RBMS2: variants seen among roughly 807,000 people sequenced by gnomAD.
RBMS2 encodes RNA-binding motif, single-stranded-interacting protein 2.
A neutral mutation model predicts 58.4 loss-of-function variants in RBMS2; 38 were observed. The ratio of observed to expected loss-of-function variants is 0.65; its 90% CI spans 0.50 to 0.85. The LOEUF (loss-of-function observed/expected upper bound fraction) is 0.85. Ranked by LOEUF, RBMS2 falls within the 40% of genes least tolerant of loss-of-function variation. The pLI, the probability that RBMS2 is intolerant of heterozygous loss-of-function variation, is 0.00. For missense variants in RBMS2, 367 were observed against 503.7 expected, an observed-to-expected ratio of 0.73 and a Z score of 2.60; for synonymous variants, 151 against 180.7, an observed-to-expected ratio of 0.84 and a Z score of 1.32.
intron 1 of RBMS2, among the ~76,000 whole-genome samples, chr12:56,528,964 A>G (rs558785641): frequency 7.2e-4 from 109 of 152,256 alleles, no homozygotes; most frequent in African/African-American, 2.3e-3. Flanking sequence ...ATATATGTGG[A>G]GTAACTGGAA....
At position 56,562,403 on chromosome 12, in the gene RBMS2, A is replaced by G. The variant is rs1242031192; in HGVS notation, c.67-14A>G. On this transcript the variant is annotated splice_polypyrimidine_tract_variant and intron_variant, in intron 1 of 13. Coordinates refer to ENST00000262031, the MANE Select transcript of RBMS2 (RefSeq NM_002898.4). ...TGGATAATCCTTCTACCTCTTCCTCATGTCTCCCTGCAGCCATATGTGTCA... is the reference window on the plus strand; with the variant it reads ...TGGATAATCCTTCTACCTCTTCCTCGTGTCTCCCTGCAGCCATATGTGTCA... 1 of 1,592,540 alleles carries G rather than the reference A, an allele frequency of 6.3e-7. No individual in the cohort carries two copies. The highest frequency in any genetic ancestry group is 1.7e-5 in the Admixed American group (1 of 59,810).
At chr12:56,556,578 G>A (rs572652292) in intron 1 of RBMS2, among the ~76,000 whole-genome samples, 46 of 152,060 alleles carry the variant, frequency 3.0e-4, no homozygotes, top group African/African-American at 9.9e-4. Context: ...GTTTCACAAC[G>A]TTGGCCAGAC....
chr12:56,569,145 T>C (rs1881871085), intron 3 of RBMS2, 112 bp downstream of exon 3: 1 of 963,378 alleles, frequency 1.0e-6, no homozygotes, highest in Non-Finnish European at 1.6e-6. Flanking sequence ...GAGAAGTCCC[T>C]GAAGTTTTTA....
intron 2 of RBMS2, 117 bp from the exon 3 acceptor site, chr12:56,568,858 T>C: frequency 1.2e-6 from 1 of 865,148 alleles, no homozygotes; most frequent in Non-Finnish European, 1.8e-6. Flanking sequence ...TTATGAAGGT[T>C]TGAGTAGGAA....
intron 1 of RBMS2, among the ~76,000 whole-genome samples, chr12:56,561,400 CT>C (rs2136412438): frequency 6.6e-6 from 1 of 152,240 alleles, no homozygotes; most frequent in South Asian, 2.1e-4. Flanking sequence ...TAAGTGTTCC[CT>C]TTTTTCCATA....
At chr12:56,572,809 T>C in intron 5 of RBMS2, 1 of 985,208 alleles carries the variant, frequency 1.0e-6, no homozygotes, top group African/African-American at 1.7e-5. Flanking sequence ...GAGACCTGTA[T>C]TCCAGAACAA....
rs1820688619 is a variant in RBMS2, at chr12:56,592,318, C to T, written c.*3185C>T. ...TCTGTTTTCAGTCAGCTAGAACACA[C>T]TAGAGTCCTTTCCTCAGATGGCATA... On this transcript the variant is annotated 3_prime_UTR_variant, in exon 14 of 14. Transcript: ENST00000262031. 6.6e-6 allele frequency: 1 copy of T among 152,146 alleles called. No individual in the cohort carries two copies. Among genetic ancestry groups the T allele is most frequent in the African/African-American group, 2.4e-5 (1 of 41,424 alleles). 9.4% of individuals were successfully genotyped at this position (152,146 alleles called of 1,614,324 possible). A position where few individuals can be genotyped will look rare whatever the true frequency, so the allele number is the denominator to read the frequency against.
chr12:56,581,170 C>T lies in RBMS2; in HGVS notation c.543-14C>T. On this transcript the variant is annotated splice_polypyrimidine_tract_variant and intron_variant, in intron 5 of 13. Transcript: ENST00000262031. The stretch of plus-strand genomic sequence containing the variant: ...CTGGAGAAGCTAGAGCCTAACCCCT[C>T]TTATGCTCCTTAGGATGGAGTCCAC... 1 of 1,574,990 alleles carries T rather than the reference C, an allele frequency of 6.3e-7. No homozygotes were observed. Among genetic ancestry groups the T allele is most frequent in the Non-Finnish European group, 8.7e-7 (1 of 1,145,276 alleles).
At chr12:56,553,010 C>T (rs988614029) in intron 1 of RBMS2, among the ~76,000 whole-genome samples, 1 of 139,520 alleles carries the variant, frequency 7.2e-6, no homozygotes, top group Non-Finnish European at 1.5e-5. Flanking sequence ...CTCACTGCAA[C>T]CTCATCCTCC....
chr12:56,572,887 G>T (rs1882529031), intron 5 of RBMS2: 4 of 984,946 alleles, frequency 4.1e-6, no homozygotes, highest in African/African-American at 1.7e-5. Context: ...TGATTCAGAT[G>T]AGTAATTTTC....
chr12:56,521,357 G>T, upstream of RBMS2, among the ~76,000 whole-genome samples: 1 of 150,256 alleles, frequency 6.7e-6, no homozygotes, highest in East Asian at 2.0e-4. Context: ...GGAAGGTGGA[G>T]GTTGCAGTGA....
chr12:56,530,493 T>C (rs1174200917), intron 1 of RBMS2, among the ~76,000 whole-genome samples: 1 of 151,664 alleles, frequency 6.6e-6, no homozygotes, highest in Non-Finnish European at 1.5e-5. Context: ...CCCGAGTAGC[T>C]GGGACTACTG....
At chr12:56,573,751 CTTTT>C (rs35292811) in intron 5 of RBMS2, among the ~76,000 whole-genome samples, 3 of 139,876 alleles carry the variant, frequency 2.1e-5, no homozygotes, top group African/African-American at 7.8e-5. Context: ...ATGGTCCACA[CTTTT>C]TTTTTTTTTT....
At chr12:56,571,115 CTCT>C (rs1432996656) in intron 4 of RBMS2, among the ~76,000 whole-genome samples, 2 of 152,176 alleles carry the variant, frequency 1.3e-5, no homozygotes, top group African/African-American at 4.8e-5. Context: ...GCTCTCCTAC[CTCT>C]TCTTCCAGGA....
chr12:56,526,230 C>T (rs1466431531), intron 1 of RBMS2, among the ~76,000 whole-genome samples: 1 of 151,776 alleles, frequency 6.6e-6, no homozygotes, highest in Non-Finnish European at 1.5e-5. Context: ...TCACTTGAAC[C>T]CAGGAGGTGG....
At chr12:56,545,923 C>T (rs1279766808) in intron 1 of RBMS2, among the ~76,000 whole-genome samples, 1 of 136,312 alleles carries the variant, frequency 7.3e-6, no homozygotes, top group African/African-American at 2.7e-5. Context: ...CATATGTTTT[C>T]TTCCCTTTCT....
chr12:56,582,133 C>T lies in RBMS2; in HGVS notation c.854C>T (p.Ser285Phe). The change falls in exon 9 of 14, where the codon TCT becomes TTT. Residue 285 changes from serine (S) to phenylalanine (F), a missense_variant. Ser to Phe is a radical substitution (Grantham distance 155). Coordinates refer to ENST00000262031, the MANE Select transcript of RBMS2 (RefSeq NM_002898.4). ...TCTGCACTCTCCCCATACCTTTCCTCTCCTGTGTCTTCGTATCAGGTATGT... is the reference window on the plus strand; with the variant it reads ...TCTGCACTCTCCCCATACCTTTCCTTTCCTGTGTCTTCGTATCAGGTATGT... ...AQSALSPYLSSPVSSYQRVTQ... is the reference protein window; with the variant it reads ...AQSALSPYLSFPVSSYQRVTQ... 1 of 1,609,116 alleles carries T rather than the reference C, an allele frequency of 6.2e-7. No homozygotes were observed. The highest frequency in any genetic ancestry group is 1.3e-5 in the African/African-American group (1 of 74,922).
In RBMS2 at chr12:56,522,059, G is replaced by C; in HGVS notation, c.36G>C (p.Ser12=). Residue 12 remains serine (S), a synonymous_variant, in exon 1 of 14, where the codon TCG becomes TCC. Coordinates refer to ENST00000262031, the MANE Select transcript of RBMS2 (RefSeq NM_002898.4). ...CCGTGACTTCCAGGCCCGGGATTTC[G>C]ACTTTTGGCTACAATAGAAACAACA... ...LLSVTSRPGI[S]TFGYNRNNKK... The C allele has an allele frequency of 6.3e-7, 1 of 1,597,714 alleles. No homozygotes were observed. Among genetic ancestry groups the C allele is most frequent in the South Asian group, 1.1e-5 (1 of 90,470 alleles).
At chr12:56,541,483 T>G (rs1199631167) in intron 1 of RBMS2, among the ~76,000 whole-genome samples, 1 of 152,182 alleles carries the variant, frequency 6.6e-6, no homozygotes, top group Non-Finnish European at 1.5e-5. Flanking sequence ...TCTTAAAGAT[T>G]GTTGGGGTTT....
Sources: allele counts gnomAD v4.1 joint callset (sites outside exome capture counted in the v4.1 genomes callset), GRCh38; gene constraint gnomAD v4.1.1; transcripts MANE v1.5; gene names NCBI Gene and HGNC (gene_info 2026-07-23, HGNC 2026-07-21).